CDKAL1: variants seen among roughly 807,000 people sequenced by gnomAD.
The protein encoded by CDKAL1 is threonylcarbamoyladenosine tRNA methylthiotransferase.
CDKAL1 carries 32 observed loss-of-function variants against 68.2 expected under a neutral mutation model. The ratio of observed to expected loss-of-function variants is 0.47; its 90% CI spans 0.35 to 0.63. The LOEUF is 0.63. CDKAL1 is among the 30% of genes least tolerant of loss of function. The probability of loss-of-function intolerance (pLI) is 0.00; values close to 1 mark genes in which losing one functional copy is unlikely to be tolerated. For synonymous variants in CDKAL1, 234 were observed against 244.3 expected (o/e 0.96, Z 0.39); for missense variants, 606 against 696.7 (o/e 0.87, Z 1.47).
chr6:21,042,813 G>T (rs535755035), intron 11 of CDKAL1, among the ~76,000 whole-genome samples: 8 of 152,090 alleles, frequency 5.3e-5, no homozygotes, highest in African/African-American at 1.9e-4. Flanking sequence ...TCTATATGCT[G>T]GTCCTAACCT....
intron 13 of CDKAL1, among the ~76,000 whole-genome samples, chr6:21,152,755 A>C (rs1776470372): frequency 6.6e-6 from 1 of 152,224 alleles, no homozygotes; most frequent in Non-Finnish European, 1.5e-5. Flanking sequence ...GTTTTCAAAA[A>C]CTGAATTACT....
chr6:20,941,697 C>T (rs748293163), intron 9 of CDKAL1, among the ~76,000 whole-genome samples: 6 of 152,148 alleles, frequency 3.9e-5, no homozygotes, highest in Admixed American at 2.0e-4. Flanking sequence ...CCTTAACTGA[C>T]TTTCAAGCAC....
chr6:21,134,138 C>T (rs1317404314), intron 13 of CDKAL1, among the ~76,000 whole-genome samples: 2 of 151,538 alleles, frequency 1.3e-5, no homozygotes, highest in African/African-American at 4.9e-5. Context: ...GTGATAATGT[C>T]GAGAAAAAAA....
intron 13 of CDKAL1, among the ~76,000 whole-genome samples, chr6:21,142,941 C>A (rs985727769): frequency 2.6e-5 from 4 of 152,118 alleles, no homozygotes; most frequent in African/African-American, 9.7e-5. Context: ...GCTTTACTTA[C>A]AAGAGTTCTA....
At position 20,826,920 on chromosome 6, in the gene CDKAL1, A is replaced by G. The variant is rs149426234; in HGVS notation, c.639-19155A>G. On this transcript the variant is annotated intron_variant, in intron 8 of 15. Coordinates refer to ENST00000274695, the MANE Select transcript of CDKAL1 (RefSeq NM_017774.3). ...AATTGGCCATTAATCTTTGTGACTT[A>G]CTTTCTTCATAGTCATGGACATTAC... Among the ~76,000 whole-genome samples, 507 of 152,270 alleles carry G rather than the reference A, an allele frequency of 3.3e-3. 8 individuals carry two copies. The highest frequency in any genetic ancestry group is 0.027 in the Middle Eastern group (8 of 294).
chr6:20,705,071 C>CT (rs34671712), intron 5 of CDKAL1, among the ~76,000 whole-genome samples: 1 of 152,088 alleles, frequency 6.6e-6, no homozygotes, highest in Non-Finnish European at 1.5e-5. Context: ...TAAAAGTCAG[C>CT]TTTTTTGCAA....
chr6:21,069,561 G>T (rs1213522481), intron 12 of CDKAL1, among the ~76,000 whole-genome samples: 1 of 151,880 alleles, frequency 6.6e-6, no homozygotes, highest in East Asian at 1.9e-4. Flanking sequence ...TATATTTCAT[G>T]AAGGTTTTGC....
At chr6:21,154,925 G>A (rs1050534116) in intron 13 of CDKAL1, among the ~76,000 whole-genome samples, 15 of 152,098 alleles carry the variant, frequency 9.9e-5, no homozygotes, top group Admixed American at 8.5e-4. Context: ...CCCAGGAGGC[G>A]GAGGTTTCAG....
At chr6:21,093,581 G>C (rs1308165565) in intron 12 of CDKAL1, among the ~76,000 whole-genome samples, 1 of 152,034 alleles carries the variant, frequency 6.6e-6, no homozygotes, top group Non-Finnish European at 1.5e-5. Flanking sequence ...AGGATGAAAG[G>C]ATAGAATGCT....
chr6:20,828,679 G>C (rs1777596203), intron 8 of CDKAL1, among the ~76,000 whole-genome samples: 1 of 152,168 alleles, frequency 6.6e-6, no homozygotes, highest in African/African-American at 2.4e-5. Context: ...TAACCAGTCT[G>C]TCGTTCTTGT....
intron 9 of CDKAL1, among the ~76,000 whole-genome samples, chr6:20,932,833 C>A (rs985787001): frequency 6.6e-6 from 1 of 152,094 alleles, no homozygotes; most frequent in Non-Finnish European, 1.5e-5. Flanking sequence ...TCATAGAACC[C>A]TCCTAGGGGA....
chr6:20,992,832 G>A (rs1006930048), intron 10 of CDKAL1, among the ~76,000 whole-genome samples: 8 of 151,410 alleles, frequency 5.3e-5, no homozygotes, highest in African/African-American at 1.9e-4. Context: ...AGGTGAGGAG[G>A]TCAAGGCTGC....
At chr6:21,123,388 G>A (rs932257421) in intron 13 of CDKAL1, among the ~76,000 whole-genome samples, 13 of 152,090 alleles carry the variant, frequency 8.5e-5, no homozygotes, top group African/African-American at 2.9e-4. Context: ...CTGGGGGAGC[G>A]GAGGTTACAG....
At chr6:20,788,929 T>G (rs138350482) in intron 8 of CDKAL1, among the ~76,000 whole-genome samples, 16 of 152,328 alleles carry the variant, frequency 1.1e-4, no homozygotes, top group African/African-American at 3.8e-4. Flanking sequence ...CGCAGTGTCT[T>G]TCTCACAGTA....
chr6:21,198,723 C>T (rs1460455511), intron 14 of CDKAL1, among the ~76,000 whole-genome samples: 2 of 152,194 alleles, frequency 1.3e-5, no homozygotes, highest in African/African-American at 4.8e-5. Context: ...GCTTTGAAGG[C>T]CATCCCTAGG....
chr6:20,544,378 G>A (rs542481223), intron 2 of CDKAL1, among the ~76,000 whole-genome samples: 3 of 151,180 alleles, frequency 2.0e-5, no homozygotes, highest in Non-Finnish European at 4.4e-5. Flanking sequence ...CGGGCGGATC[G>A]CGAGGTCAGG....
chr6:20,633,499 A>T (rs929758530), intron 4 of CDKAL1, among the ~76,000 whole-genome samples: 1 of 152,120 alleles, frequency 6.6e-6, no homozygotes, highest in Non-Finnish European at 1.5e-5. Flanking sequence ...ATTAACATTG[A>T]TGTACAAGTT....
At chr6:21,004,631 A>G (rs547619883) in intron 11 of CDKAL1, among the ~76,000 whole-genome samples, 1 of 152,148 alleles carries the variant, frequency 6.6e-6, no homozygotes, top group African/African-American at 2.4e-5. Flanking sequence ...GGAAGAAACT[A>G]TATAGAACAA....
chr6:21,145,516 C>A (rs1366220500), intron 13 of CDKAL1, among the ~76,000 whole-genome samples: 2 of 152,180 alleles, frequency 1.3e-5, no homozygotes. Flanking sequence ...GAAGGATCAG[C>A]TTATTCCTAA....
Sources: allele counts gnomAD v4.1 joint callset (sites outside exome capture counted in the v4.1 genomes callset), GRCh38; gene constraint gnomAD v4.1.1; transcripts MANE v1.5; gene names NCBI Gene and HGNC (gene_info 2026-07-23, HGNC 2026-07-21).